Variants in LRCH1 observed in about 807,000 individuals in gnomAD.
The protein encoded by LRCH1 is leucine-rich repeat and calponin homology domain-containing protein 1.
In LRCH1, 23 loss-of-function variants were observed where a neutral mutation model predicts 94.9. The observed-to-expected ratio is 0.24, with a 90% CI of 0.17 to 0.34. The LOEUF (loss-of-function observed/expected upper bound fraction) is 0.34. Among genes scored for constraint, LRCH1 ranks in the 10% least tolerant of loss-of-function variants. LRCH1 has a pLI of 1.00. For synonymous variants in LRCH1, 364 were observed against 354.9 expected (o/e 1.03, Z -0.29); for missense variants, 790 against 945.9 (o/e 0.84, Z 2.16).
intron 18 of LRCH1, among the ~76,000 whole-genome samples, chr13:46,749,921 A>C (rs1252277507): frequency 1.3e-5 from 2 of 152,226 alleles, no homozygotes; most frequent in Non-Finnish European, 2.9e-5. Context: ...AAAATGCAGC[A>C]TGAGAGAGTA....
At chr13:46,670,513 A>G (rs1044822522) in intron 3 of LRCH1, among the ~76,000 whole-genome samples, 1 of 152,220 alleles carries the variant, frequency 6.6e-6, no homozygotes, top group Non-Finnish European at 1.5e-5. Flanking sequence ...AGTGAGAGGC[A>G]GATCTGGTCT....
At chr13:46,671,839 C>T (rs1157743700) in intron 3 of LRCH1, among the ~76,000 whole-genome samples, 5 of 152,218 alleles carry the variant, frequency 3.3e-5, no homozygotes, top group African/African-American at 1.2e-4. Flanking sequence ...CCTCTACTCC[C>T]ACACATGCAC....
At chr13:46,712,707 C>A in intron 15 of LRCH1, 110 bp downstream of exon 15, 1 of 1,001,980 alleles carries the variant, frequency 1.0e-6, no homozygotes, top group Non-Finnish European at 1.5e-6. Flanking sequence ...TCTGCTGAGC[C>A]GAAATCCTGG....
chr13:46,635,117 T>A, intron 1 of LRCH1, among the ~76,000 whole-genome samples: 1 of 152,206 alleles, frequency 6.6e-6, no homozygotes, highest in East Asian at 1.9e-4. Context: ...CAGTGAGGTG[T>A]CTGTATGCAC....
At position 46,750,581 on chromosome 13, in the gene LRCH1, C is replaced by T. The variant is rs756752733; in HGVS notation, c.2022C>T (p.Gly674=). Reference sequence around the variant, plus strand: ...CCCACCACATCCTTGAAGAAAAAGGCCTGGTCAAAGTGGGCATTACCATTC... The same window carrying T: ...CCCACCACATCCTTGAAGAAAAAGGTCTGGTCAAAGTGGGCATTACCATTC... The change falls in exon 19 of 19, where the codon GGC becomes GGT. Residue 674 remains glycine, a synonymous_variant. Coordinates refer to the LRCH1 transcript ENST00000311191. 1.9e-6 allele frequency: 3 copies of T among 1,552,098 alleles called. 1 individual carries two copies. The highest frequency in any genetic ancestry group is 2.4e-5 in the South Asian group (2 of 84,046).
chr13:46,673,434 T>C lies in LRCH1; in HGVS notation c.579+4278T>C, dbSNP rs538327970. 3.3e-5 allele frequency among the ~76,000 whole-genome samples: 5 copies of C among 152,332 alleles called. No homozygotes were observed. The East Asian group carries it at 9.6e-4, about 29-fold the overall frequency. On this transcript the variant is annotated intron_variant, in intron 3 of 19. Coordinates refer to ENST00000389797, the MANE Select transcript of LRCH1 (RefSeq NM_001164211.2). ...ATTTTCCATCCATTCTCACTTATCT[T>C]TCATCTTTTTGCTTAAAATAGTAGT...
At position 46,734,862 on chromosome 13, in the gene LRCH1, CTG is replaced by C. The variant is rs564328162; in HGVS notation, c.2085+866_2085+867del. 1.6e-3 allele frequency among the ~76,000 whole-genome samples: 242 copies of C among 152,286 alleles called. 1 individual carries two copies. Among genetic ancestry groups the C allele is most frequent in the Non-Finnish European group, 2.4e-3 (160 of 68,014 alleles). On this transcript the variant is annotated intron_variant, in intron 19 of 19. Coordinates refer to ENST00000389797, the MANE Select transcript of LRCH1 (RefSeq NM_001164211.2). ...GGTAATTTTAAAAATACATGCGATA[CTG>C]TTTTGAGTATATGAAGAGTTATATT...
In LRCH1 at chr13:46,743,249, A is replaced by G. The variant is rs1021168455; in HGVS notation, c.*1401A>G. On this transcript the variant is annotated 3_prime_UTR_variant, in exon 20 of 20. Transcript: ENST00000389797. The stretch of plus-strand genomic sequence containing the variant: ...TTTTTCTGAACATTTTCATGAATCC[A>G]GGGGACTTGAAAATATGGAAGACCC... 2.0e-6 allele frequency: 2 copies of G among 985,476 alleles called. No homozygotes were observed. The highest frequency in any genetic ancestry group is 2.4e-6 in the Non-Finnish European group (2 of 829,666). 61.0% of individuals were successfully genotyped at this position (985,476 alleles called of 1,614,324 possible).
At chr13:46,706,375 T>G (rs1672248731) in intron 13 of LRCH1, among the ~76,000 whole-genome samples, 1 of 152,190 alleles carries the variant, frequency 6.6e-6, no homozygotes, top group East Asian at 1.9e-4. Context: ...TACTTCTCTA[T>G]TATTGTTATT....
chr13:46,592,139 C>T (rs986347958), intron 1 of LRCH1, among the ~76,000 whole-genome samples: 3 of 152,204 alleles, frequency 2.0e-5, no homozygotes, highest in Non-Finnish European at 4.4e-5. Flanking sequence ...AACAGTTGGG[C>T]AGCTTTTTAA....
chr13:46,596,496 A>C (rs2050564541), intron 1 of LRCH1, among the ~76,000 whole-genome samples: 1 of 152,234 alleles, frequency 6.6e-6, no homozygotes, highest in Admixed American at 6.5e-5. Context: ...TGAATAGCAA[A>C]TTGGAAAAAT....
intron 1 of LRCH1, among the ~76,000 whole-genome samples, chr13:46,618,857 C>G (rs1050854968): frequency 6.6e-6 from 1 of 152,122 alleles, no homozygotes; most frequent in Non-Finnish European, 1.5e-5. Flanking sequence ...CACTTAGAAC[C>G]TTTCTACTGC....
At chr13:46,664,695 C>T (rs1296873728) in intron 2 of LRCH1, among the ~76,000 whole-genome samples, 1 of 152,180 alleles carries the variant, frequency 6.6e-6, no homozygotes, top group Non-Finnish European at 1.5e-5. Context: ...GTCACCTCCT[C>T]GCTGCTTTGT....
intron 1 of LRCH1, among the ~76,000 whole-genome samples, chr13:46,562,478 A>T (rs1451655495): frequency 6.6e-6 from 1 of 152,024 alleles, no homozygotes; most frequent in Admixed American, 6.6e-5. Context: ...CCTGAGCCCA[A>T]ATTTCCTCTT....
intron 1 of LRCH1, among the ~76,000 whole-genome samples, chr13:46,574,332 C>G (rs1022520763): frequency 6.6e-6 from 1 of 151,656 alleles, no homozygotes; most frequent in Non-Finnish European, 1.5e-5. Flanking sequence ...CTACTATGTA[C>G]CCCCAGAAAT....
intron 1 of LRCH1, among the ~76,000 whole-genome samples, chr13:46,628,687 C>T (rs2050981573): frequency 6.7e-6 from 1 of 149,846 alleles, no homozygotes; most frequent in South Asian, 2.1e-4. Flanking sequence ...AAACACAAGG[C>T]CCGGCAGGCT....
intron 19 of LRCH1, among the ~76,000 whole-genome samples, chr13:46,741,435 C>A (rs1049143207): frequency 1.3e-5 from 2 of 152,044 alleles, no homozygotes; most frequent in Non-Finnish European, 1.5e-5. Flanking sequence ...TTTCTTTGAC[C>A]CATTGGCACA....
At chr13:46,716,446 A>G (rs972921781) in intron 16 of LRCH1, among the ~76,000 whole-genome samples, 5 of 152,242 alleles carry the variant, frequency 3.3e-5, no homozygotes, top group African/African-American at 1.2e-4. Flanking sequence ...CAAATTTTAA[A>G]CATTTTACTT....
chr13:46,621,027 T>C (rs1054159488), intron 1 of LRCH1, among the ~76,000 whole-genome samples: 1 of 152,226 alleles, frequency 6.6e-6, no homozygotes, highest in South Asian at 2.1e-4. Context: ...GGCCTCCTCC[T>C]AGAAGACCCT....
Sources: gnomAD v4.1 joint callset for allele counts (sites outside exome capture counted in the v4.1 genomes callset) on GRCh38, gnomAD v4.1.1 for gene constraint, MANE v1.5 for transcripts, NCBI Gene and HGNC (gene_info 2026-07-23, HGNC 2026-07-21) for gene names.